The following ADAMTS17 variants were observed in gnomAD, a reference collection of about 807,000 sequenced individuals.
ADAMTS17 encodes the protein ADAM metallopeptidase with thrombospondin type 1 motif 17.
ADAMTS17 carries 113 observed loss-of-function variants against 141.5 expected under a neutral mutation model. That is an observed-to-expected ratio of 0.80 (90% CI 0.69 to 0.93). The LOEUF is 0.93. ADAMTS17 is among the 40% of genes least tolerant of loss of function. ADAMTS17 has a pLI of 0.00. For missense variants in ADAMTS17, 1,659 were observed against 1,517.9 expected (o/e 1.09, Z -1.54); for synonymous variants, 768 against 630.6 (o/e 1.22, Z -3.27).
At chr15:100,188,324 G>T (rs1350827075) in intron 8 of ADAMTS17, among the ~76,000 whole-genome samples, 1 of 151,406 alleles carries the variant, frequency 6.6e-6, no homozygotes, top group African/African-American at 2.4e-5. Flanking sequence ...TGATCTGCCC[G>T]CCTCAGCCTC....
intron 8 of ADAMTS17, among the ~76,000 whole-genome samples, chr15:100,163,441 A>G (rs548605317): frequency 6.6e-6 from 1 of 152,158 alleles, no homozygotes; most frequent in African/African-American, 2.4e-5. Flanking sequence ...TTTTTTTTAT[A>G]CAACATGGGC....
intron 12 of ADAMTS17, among the ~76,000 whole-genome samples, 166 bp downstream of exon 12, chr15:100,131,840 AT>A (rs927470314): frequency 6.6e-6 from 1 of 152,220 alleles, no homozygotes; most frequent in African/African-American, 2.4e-5. Flanking sequence ...CTGAGATGTC[AT>A]TTGACACACA....
chr15:100,197,980 C>T (rs979373138), intron 8 of ADAMTS17, among the ~76,000 whole-genome samples: 1 of 152,084 alleles, frequency 6.6e-6, no homozygotes, highest in African/African-American at 2.4e-5. Context: ...ACAATGAGAA[C>T]ACATGGACAC....
Position 99,974,525 on chromosome 15 carries a change from C to A in ADAMTS17, c.3165G>T (p.Thr1055=), listed in dbSNP as rs141373128. 1.2e-6 allele frequency: 2 copies of A among 1,614,128 alleles called. No homozygotes were observed. Among genetic ancestry groups the A allele is most frequent in the Non-Finnish European group, 1.7e-6 (2 of 1,180,048 alleles). ...TTTCTCGGATGACCCGGCAATATAC[C>A]GTCCACTGGTCTCGTGTGCATTTGT... ...LTYKCTRDQW[T]VYCRVIREKN... Residue 1055 remains threonine (T), a synonymous_variant, in exon 22 of 22, where the codon ACG becomes ACT. Transcript: ENST00000268070.
intron 8 of ADAMTS17, among the ~76,000 whole-genome samples, chr15:100,170,601 C>T (rs1048285503): frequency 6.6e-6 from 1 of 152,136 alleles, no homozygotes; most frequent in South Asian, 2.1e-4. Context: ...TCACAGTCAG[C>T]TCTCAAAACA....
intron 8 of ADAMTS17, among the ~76,000 whole-genome samples, chr15:100,161,813 A>G (rs1352046090): frequency 3.9e-5 from 6 of 152,202 alleles, no homozygotes; most frequent in Admixed American, 3.9e-4. Flanking sequence ...AATTTCCATG[A>G]TCATCAATAA....
intron 7 of ADAMTS17, among the ~76,000 whole-genome samples, chr15:100,241,832 T>TA (rs2042836713): frequency 6.6e-6 from 1 of 152,128 alleles, no homozygotes; most frequent in Admixed American, 6.5e-5. Flanking sequence ...CAACAGCACT[T>TA]GTCAGGAATT....
At position 100,313,101 on chromosome 15, in the gene ADAMTS17, A is replaced by T. The variant is rs149841244; in HGVS notation, c.616+17788T>A. ...GGGGATTCTACTAAACCTCTACAAA[A>T]CCAATAGCTTCCATGGTTCATAAAT... On this transcript the variant is annotated intron_variant, in intron 3 of 21. Coordinates refer to ENST00000268070, the MANE Select transcript of ADAMTS17 (RefSeq NM_139057.4). 8.4e-3 allele frequency among the ~76,000 whole-genome samples: 1,281 copies of T among 152,308 alleles called. 18 individuals carry two copies. Among genetic ancestry groups the T allele is most frequent in the African/African-American group, 0.029 (1,216 of 41,562 alleles).
intron 18 of ADAMTS17, among the ~76,000 whole-genome samples, chr15:100,012,965 T>C (rs1449870737): frequency 6.6e-6 from 1 of 152,240 alleles, no homozygotes; most frequent in African/African-American, 2.4e-5. Context: ...AATTTGTAGA[T>C]TGCTTTTGGC....
chr15:100,118,431 G>C (rs1361201382), intron 12 of ADAMTS17, among the ~76,000 whole-genome samples: 1 of 152,242 alleles, frequency 6.6e-6, no homozygotes, highest in Non-Finnish European at 1.5e-5. Flanking sequence ...GAGAAGAAGA[G>C]ATCTAGAGAG....
chr15:100,183,859 C>T (rs2040609951), intron 8 of ADAMTS17, among the ~76,000 whole-genome samples: 1 of 152,186 alleles, frequency 6.6e-6, no homozygotes, highest in Non-Finnish European at 1.5e-5. Context: ...AATGTTATCC[C>T]AATCTGCTTT....
intron 3 of ADAMTS17, among the ~76,000 whole-genome samples, chr15:100,328,952 G>A (rs1389645398): frequency 6.6e-6 from 1 of 152,122 alleles, no homozygotes; most frequent in Non-Finnish European, 1.5e-5. Flanking sequence ...ATCCACTCCC[G>A]ATGGCCCACA....
At chr15:100,036,847 GT>G (rs1431370682) in intron 18 of ADAMTS17, among the ~76,000 whole-genome samples, 1 of 152,008 alleles carries the variant, frequency 6.6e-6, no homozygotes, top group Non-Finnish European at 1.5e-5. Context: ...GTGACCTTTT[GT>G]GTCTGGCTTT....
intron 12 of ADAMTS17, among the ~76,000 whole-genome samples, chr15:100,119,738 C>G (rs992254044): frequency 7.9e-5 from 12 of 152,262 alleles, no homozygotes; most frequent in Admixed American, 3.9e-4. Context: ...CCCTCCACAT[C>G]TGCTTCTGCT....
intron 8 of ADAMTS17, among the ~76,000 whole-genome samples, chr15:100,179,343 C>T (rs2040444760): frequency 6.6e-6 from 1 of 152,100 alleles, no homozygotes; most frequent in African/African-American, 2.4e-5. Flanking sequence ...CTGTGCCTGG[C>T]TTATTATGAC....
intron 8 of ADAMTS17, among the ~76,000 whole-genome samples, chr15:100,157,190 C>T (rs748221780): frequency 6.6e-5 from 10 of 152,262 alleles, no homozygotes; most frequent in South Asian, 2.1e-4. Context: ...CACCTCCCAG[C>T]GGGTCCCTCC....
rs1197940215 is a variant in ADAMTS17, at chr15:100,102,384, AGGG to A, written c.2017-5911_2017-5909del. On this transcript the variant is annotated intron_variant, in intron 14 of 21. Coordinates refer to ENST00000268070, the MANE Select transcript of ADAMTS17 (RefSeq NM_139057.4). ...GCCAACCGAAGGGGATCTACATTTGAGGGCCGACCGAAGGGGATCTACATTTGA... is the reference window on the plus strand; with the variant it reads ...GCCAACCGAAGGGGATCTACATTTGACCGACCGAAGGGGATCTACATTTGA... Among the ~76,000 whole-genome samples the A allele has an allele frequency of 7.2e-5, 9 of 124,206 alleles. No homozygotes were observed. In the East Asian group the frequency reaches 1.8e-3, roughly 25 times the overall value. 81.5% of individuals were successfully genotyped at this position (124,206 alleles called of 152,430 possible).
chr15:100,134,510 G>A (rs1033000540), intron 10 of ADAMTS17, among the ~76,000 whole-genome samples: 2 of 152,234 alleles, frequency 1.3e-5, no homozygotes, highest in African/African-American at 4.8e-5. Context: ...TTCACACTGA[G>A]CAGGATGAAG....
chr15:100,002,068 C>T (rs1031907195), intron 18 of ADAMTS17, among the ~76,000 whole-genome samples: 1 of 146,634 alleles, frequency 6.8e-6, no homozygotes, highest in African/African-American at 2.5e-5. Context: ...GAGACTCTGA[C>T]TTCATCAATG....
Sources: allele counts gnomAD v4.1 joint callset (sites outside exome capture counted in the v4.1 genomes callset), GRCh38; gene constraint gnomAD v4.1.1; transcripts MANE v1.5; gene names NCBI Gene and HGNC (gene_info 2026-07-23, HGNC 2026-07-21).